Variants in DLGAP2 observed in about 807,000 individuals in gnomAD.
DLGAP2 encodes the protein DLG associated protein 2, also known as disks large-associated protein 2.
Under a neutral mutation model 100.3 loss-of-function variants are expected in DLGAP2, and 26 were observed. That is an observed-to-expected ratio of 0.26 (90% CI 0.19 to 0.36). The LOEUF (loss-of-function observed/expected upper bound fraction) is 0.36. DLGAP2 is among the 10% of genes least tolerant of loss of function. DLGAP2 has a pLI of 1.00. For missense variants in DLGAP2, 1,858 were observed against 1,453.2 expected (o/e 1.28, Z -4.53); for synonymous variants, 886 against 630.1 (o/e 1.41, Z -6.08).
intron 6 of DLGAP2, among the ~76,000 whole-genome samples, chr8:1,584,744 C>A (rs1263714792): frequency 6.6e-6 from 1 of 152,130 alleles, no homozygotes; most frequent in Non-Finnish European, 1.5e-5. Context: ...GGAAGCAGCT[C>A]ACCCCACACC....
intron 5 of DLGAP2, among the ~76,000 whole-genome samples, chr8:1,555,410 C>T (rs947824487): frequency 6.6e-6 from 1 of 152,216 alleles, no homozygotes. Flanking sequence ...CACACCATTT[C>T]CTGACTGCAA....
chr8:1,635,178 CTTTA>C (rs1797738646), intron 8 of DLGAP2, among the ~76,000 whole-genome samples: 2 of 152,204 alleles, frequency 1.3e-5, no homozygotes, highest in South Asian at 4.1e-4. Flanking sequence ...TTATTTAAAT[CTTTA>C]TTTACTAAAT....
intron 3 of DLGAP2, among the ~76,000 whole-genome samples, chr8:1,370,545 T>A (rs1802212910): frequency 6.6e-6 from 1 of 152,234 alleles, no homozygotes; most frequent in Non-Finnish European, 1.5e-5. Flanking sequence ...TTTCATTTGC[T>A]TAAAATAAAA....
intron 2 of DLGAP2, among the ~76,000 whole-genome samples, chr8:1,234,964 G>T (rs931202261): frequency 3.3e-5 from 5 of 151,932 alleles, no homozygotes; most frequent in African/African-American, 9.7e-5. Context: ...ACATGCCACT[G>T]TGTCTAGTTC....
intron 2 of DLGAP2, among the ~76,000 whole-genome samples, chr8:1,169,143 T>C (rs9694850): frequency 0.039 from 5,868 of 151,478 alleles, 426 homozygotes; most frequent in African/African-American, 0.14. Context: ...TAGGGAATCC[T>C]TTCCCCATTG....
At chr8:1,579,016 T>G (rs1803112673) in intron 6 of DLGAP2, among the ~76,000 whole-genome samples, 1 of 152,242 alleles carries the variant, frequency 6.6e-6, no homozygotes, top group Non-Finnish European at 1.5e-5. Flanking sequence ...GTATTAGTGA[T>G]TGAGATACTG....
chr8:1,408,990 G>T (rs1364040135), intron 3 of DLGAP2, among the ~76,000 whole-genome samples: 1 of 152,240 alleles, frequency 6.6e-6, no homozygotes, highest in Non-Finnish European at 1.5e-5. Flanking sequence ...TTAATTCCCT[G>T]AAAGATAAAT....
At position 1,093,545 on chromosome 8, in the gene DLGAP2, C is replaced by T. The variant is rs543559425; in HGVS notation, c.74-165306C>T. 5.9e-5 allele frequency among the ~76,000 whole-genome samples: 9 copies of T among 151,500 alleles called. No individual in the cohort carries two copies. The East Asian group carries it at 1.8e-3, about 30-fold the overall frequency. On this transcript the variant is annotated intron_variant, in intron 2 of 14. Transcript: ENST00000637795. ...GACCGAAACACCTTCACACCAACAG[C>T]CAGACAGAAACACCCTCACACCGAC...
At chr8:954,357 C>A (rs746822122) in intron 2 of DLGAP2, among the ~76,000 whole-genome samples, 3 of 152,312 alleles carry the variant, frequency 2.0e-5, no homozygotes, top group Admixed American at 6.5e-5. Context: ...CCATCCCTCT[C>A]GCCTCCCTTC....
At chr8:1,424,782 G>A (rs545518010) in intron 3 of DLGAP2, among the ~76,000 whole-genome samples, 36 of 152,298 alleles carry the variant, frequency 2.4e-4, no homozygotes, top group Middle Eastern at 3.4e-3. Flanking sequence ...ACAGAAGGCC[G>A]AATAGGACAA....
At chr8:1,412,890 C>G (rs1796773745) in intron 3 of DLGAP2, among the ~76,000 whole-genome samples, 1 of 152,206 alleles carries the variant, frequency 6.6e-6, no homozygotes, top group Non-Finnish European at 1.5e-5. Context: ...ATGCTATTTC[C>G]TGTCTCCCTG....
intron 3 of DLGAP2, among the ~76,000 whole-genome samples, chr8:1,496,033 C>G (rs1279999006): frequency 6.6e-6 from 1 of 152,144 alleles, no homozygotes; most frequent in Non-Finnish European, 1.5e-5. Flanking sequence ...TTCGAGTGCC[C>G]AGAAACACAA....
chr8:1,484,811 G>A (rs1584946517), intron 3 of DLGAP2, among the ~76,000 whole-genome samples: 1 of 152,308 alleles, frequency 6.6e-6, no homozygotes, highest in East Asian at 1.9e-4. Context: ...ATGGCTTCAT[G>A]TCCTCCCACC....
At chr8:1,244,075 G>A (rs1222101006) in intron 2 of DLGAP2, among the ~76,000 whole-genome samples, 4 of 152,128 alleles carry the variant, frequency 2.6e-5, no homozygotes, top group Non-Finnish European at 4.4e-5. Flanking sequence ...GGGATGGTGG[G>A]TGTCAGCTCT....
At chr8:1,211,142 A>C (rs190630735) in intron 2 of DLGAP2, among the ~76,000 whole-genome samples, 35 of 152,352 alleles carry the variant, frequency 2.3e-4, no homozygotes, top group Non-Finnish European at 4.0e-4. Context: ...GTGGTTTTGC[A>C]ACATGATCTC....
intron 2 of DLGAP2, among the ~76,000 whole-genome samples, chr8:1,039,420 C>T (rs1045676952): frequency 1.0e-4 from 15 of 145,988 alleles, no homozygotes; most frequent in African/African-American, 2.8e-4. Context: ...GTGGTCAGCT[C>T]GGTTTCTGTA....
At chr8:1,246,446 TCTC>T (rs1798902341) in intron 2 of DLGAP2, among the ~76,000 whole-genome samples, 1 of 152,164 alleles carries the variant, frequency 6.6e-6, no homozygotes, top group African/African-American at 2.4e-5. Flanking sequence ...ACAGGGACCT[TCTC>T]CTCAGTGTGT....
At chr8:1,359,909 G>C (rs1253160924) in intron 3 of DLGAP2, among the ~76,000 whole-genome samples, 2 of 152,176 alleles carry the variant, frequency 1.3e-5, no homozygotes, top group Non-Finnish European at 2.9e-5. Flanking sequence ...TTGGAATTTT[G>C]CTAAGGCAAT....
intron 7 of DLGAP2, among the ~76,000 whole-genome samples, chr8:1,627,539 T>C (rs1017796727): frequency 1.3e-5 from 2 of 152,240 alleles, no homozygotes; most frequent in African/African-American, 4.8e-5. Flanking sequence ...TCATCCTATA[T>C]TACATGGCAA....
Sources: gnomAD v4.1 joint callset for allele counts (sites outside exome capture counted in the v4.1 genomes callset) on GRCh38, gnomAD v4.1.1 for gene constraint, MANE v1.5 for transcripts, NCBI Gene and HGNC (gene_info 2026-07-23, HGNC 2026-07-21) for gene names.